The following KCTD16 variants were observed in gnomAD, a reference collection of about 807,000 sequenced individuals.
The protein encoded by KCTD16 is BTB/POZ domain-containing protein KCTD16.
KCTD16 carries 13 observed loss-of-function variants against 33.2 expected under a neutral mutation model. The ratio of observed to expected loss-of-function variants is 0.39; its 90% confidence interval spans 0.25 to 0.62. The LOEUF (loss-of-function observed/expected upper bound fraction) is 0.62, where lower values mean the gene tolerates loss of function less well. Among genes scored for constraint, KCTD16 ranks in the 20% least tolerant of loss-of-function variants. The pLI, the probability that KCTD16 is intolerant of heterozygous loss-of-function variation, is 0.50. For missense variants in KCTD16, 441 were observed against 525.1 expected (o/e 0.84, Z 1.57); for synonymous variants, 197 against 195.3 (o/e 1.01, Z -0.07).
intron 3 of KCTD16, among the ~76,000 whole-genome samples, chr5:144,466,620 A>G (rs1323746188): frequency 2.0e-5 from 3 of 152,016 alleles, no homozygotes; most frequent in Non-Finnish European, 4.4e-5. Flanking sequence ...GAAAATTTTC[A>G]TGTTTGAATA....
At chr5:144,187,152 CATTT>C (rs949257114) in intron 2 of KCTD16, among the ~76,000 whole-genome samples, 5 of 152,060 alleles carry the variant, frequency 3.3e-5, no homozygotes, top group Non-Finnish European at 7.4e-5. Context: ...TGACAAATCT[CATTT>C]ATTTCTTAGA....
chr5:144,200,203 A>C (rs1217931302), intron 2 of KCTD16, among the ~76,000 whole-genome samples: 1 of 151,966 alleles, frequency 6.6e-6, no homozygotes, highest in Non-Finnish European at 1.5e-5. Flanking sequence ...GTTCACTTAG[A>C]AGAACTTTAT....
intron 3 of KCTD16, among the ~76,000 whole-genome samples, chr5:144,305,259 T>C (rs1216059513): frequency 6.6e-6 from 1 of 152,184 alleles, no homozygotes; most frequent in African/African-American, 2.4e-5. Flanking sequence ...TGGTTCAATG[T>C]TGATAGGAAG....
intron 3 of KCTD16, among the ~76,000 whole-genome samples, chr5:144,301,996 TA>T (rs1217359332): frequency 6.6e-6 from 1 of 152,226 alleles, no homozygotes; most frequent in Admixed American, 6.5e-5. Context: ...TTTTCTTTTT[TA>T]AATTTTACGC....
chr5:144,403,550 C>T (rs1752750308), intron 3 of KCTD16, among the ~76,000 whole-genome samples: 1 of 152,204 alleles, frequency 6.6e-6, no homozygotes, highest in African/African-American at 2.4e-5. Flanking sequence ...GGAACAGATT[C>T]TCCCTCTGAG....
At chr5:144,186,645 C>T (rs1752733044) in intron 2 of KCTD16, among the ~76,000 whole-genome samples, 1 of 152,170 alleles carries the variant, frequency 6.6e-6, no homozygotes, top group South Asian at 2.1e-4. Flanking sequence ...CAGGTATCCA[C>T]ATTTTCTCCT....
chr5:144,452,138 A>G (rs1753956844), intron 3 of KCTD16, among the ~76,000 whole-genome samples: 1 of 145,130 alleles, frequency 6.9e-6, no homozygotes, highest in Admixed American at 6.8e-5. Context: ...CATTAAATAT[A>G]TATAATATTA....
intron 3 of KCTD16, among the ~76,000 whole-genome samples, chr5:144,458,639 G>T (rs527639524): frequency 6.6e-6 from 1 of 152,286 alleles, no homozygotes; most frequent in South Asian, 2.1e-4. Flanking sequence ...GGGTCCAATA[G>T]AAATCTATTA....
At chr5:144,466,308 C>T (rs779985327) in intron 3 of KCTD16, among the ~76,000 whole-genome samples, 1 of 149,622 alleles carries the variant, frequency 6.7e-6, no homozygotes, top group Non-Finnish European at 1.5e-5. Context: ...ACCAAGGCAG[C>T]CCTGGTAGAA....
At chr5:144,252,270 G>A (rs1455579939) in intron 3 of KCTD16, among the ~76,000 whole-genome samples, 4 of 152,074 alleles carry the variant, frequency 2.6e-5, no homozygotes, top group Admixed American at 1.3e-4. Flanking sequence ...AAATCCAAGT[G>A]TTCATTTATT....
At chr5:144,232,535 G>A (rs779746967) in intron 3 of KCTD16, among the ~76,000 whole-genome samples, 2 of 152,126 alleles carry the variant, frequency 1.3e-5, no homozygotes, top group South Asian at 2.1e-4. Context: ...TATGTAATAC[G>A]TGACCATGCT....
chr5:144,444,565 A>G (rs1283003154), intron 3 of KCTD16, among the ~76,000 whole-genome samples: 1 of 152,056 alleles, frequency 6.6e-6, no homozygotes, highest in Non-Finnish European at 1.5e-5. Context: ...CTCACATTTT[A>G]CAGTTAATAG....
intron 3 of KCTD16, among the ~76,000 whole-genome samples, chr5:144,385,910 T>A (rs942117624): frequency 6.6e-6 from 1 of 152,152 alleles, no homozygotes; most frequent in Non-Finnish European, 1.5e-5. Flanking sequence ...GCATCAAGAT[T>A]GCCTTTTAAA....
intron 2 of KCTD16, chr5:144,205,294 C>G: frequency 2.8e-6 from 1 of 355,656 alleles, no homozygotes; most frequent in Non-Finnish European, 5.0e-6. Flanking sequence ...GGACGTGACT[C>G]GGAGCTGCCT....
intron 1 of KCTD16, among the ~76,000 whole-genome samples, chr5:144,173,118 C>T (rs1752429987): frequency 6.6e-6 from 1 of 152,228 alleles, no homozygotes; most frequent in Admixed American, 6.5e-5. Flanking sequence ...ACCCAGCAAT[C>T]CCATTACTGG....
intron 3 of KCTD16, among the ~76,000 whole-genome samples, chr5:144,212,383 A>G (rs1554080938): frequency 6.6e-6 from 1 of 152,162 alleles, no homozygotes; most frequent in Non-Finnish European, 1.5e-5. Context: ...GGTCTGTGGC[A>G]TCAGGGAAGG....
intron 2 of KCTD16, among the ~76,000 whole-genome samples, chr5:144,193,777 G>T (rs1180421701): frequency 6.6e-6 from 1 of 152,100 alleles, no homozygotes; most frequent in East Asian, 1.9e-4. Context: ...AAAGAACAAA[G>T]GTACGACAAA....
Position 144,206,752 on chromosome 5 carries a change from G to C in KCTD16, c.38G>C (p.Arg13Pro). 1 of 1,613,960 alleles carries C rather than the reference G, an allele frequency of 6.2e-7. No individual in the cohort carries two copies. Among genetic ancestry groups the C allele is most frequent in the Non-Finnish European group, 8.5e-7 (1 of 1,179,940 alleles). Reference sequence around the variant, plus strand: ...GGAAACTGTAGTCGTTATTATCCTCGAGAACAAGGGTCCGCAGTTCCCAAC... The same window carrying C: ...GGAAACTGTAGTCGTTATTATCCTCCAGAACAAGGGTCCGCAGTTCCCAAC... ...LSGNCSRYYPREQGSAVPNSF... is the reference protein window; with the variant it reads ...LSGNCSRYYPPEQGSAVPNSF... Residue 13 changes from arginine to proline, a missense_variant, in exon 3 of 4, where the codon CGA becomes CCA. By Grantham distance (103) the Arg-to-Pro change is moderately radical (BLOSUM62 -2). Around this residue, in one of 3 missense-constraint regions of KCTD16, gnomAD observed 80 missense variants for 88.5 expected, o/e 0.90. Transcript: ENST00000512467.
chr5:144,172,193 C>A (rs1752401193), intron 1 of KCTD16, among the ~76,000 whole-genome samples: 1 of 152,002 alleles, frequency 6.6e-6, no homozygotes, highest in South Asian at 2.1e-4. Flanking sequence ...TAAGACCCAA[C>A]CAAAAAACCT....
Sources: allele counts gnomAD v4.1 joint callset (sites outside exome capture counted in the v4.1 genomes callset), GRCh38; gene constraint gnomAD v4.1.1; regional missense constraint gnomAD v4.1.1; transcripts MANE v1.5; gene names NCBI Gene and HGNC (gene_info 2026-07-23, HGNC 2026-07-21).